The following DCC variants were observed in gnomAD, a reference collection of about 807,000 sequenced individuals.
The protein encoded by DCC is netrin receptor DCC.
DCC carries 58 observed loss-of-function variants against 172.5 expected under a neutral mutation model. That is an observed-to-expected ratio of 0.34 (90% CI 0.27 to 0.42). The LOEUF (loss-of-function observed/expected upper bound fraction) is 0.42. Among genes scored for constraint, DCC ranks in the 10% least tolerant of loss-of-function variants. The probability of loss-of-function intolerance (pLI) is 1.00; values close to 1 mark genes in which losing one functional copy is unlikely to be tolerated. For missense variants in DCC, 1,740 were observed against 1,791.0 expected (o/e 0.97, Z 0.51); for synonymous variants, 709 against 644.5 (o/e 1.10, Z -1.52).
At chr18:53,077,032 T>C (rs2042733105) in intron 7 of DCC, among the ~76,000 whole-genome samples, 1 of 152,162 alleles carries the variant, frequency 6.6e-6, no homozygotes, top group Admixed American at 6.5e-5. Flanking sequence ...ACATAATTGC[T>C]TAGTGACTCT....
rs1555675493 is a variant in DCC, at chr18:52,868,033, GTATA to G, written c.413-37993_413-37990del. Among the ~76,000 whole-genome samples the G allele has an allele frequency of 3.0e-3, 358 of 120,466 alleles. 1 individual carries two copies. The highest frequency in any genetic ancestry group is 9.6e-3 in the Middle Eastern group (2 of 208). 79.0% of individuals were successfully genotyped at this position (120,466 alleles called of 152,430 possible). ...TGAGATTGCTAATATGTGTATGTGT[GTATA>G]TATATATATATATATATGTGTGTGT... On this transcript the variant is annotated intron_variant, in intron 2 of 28. Coordinates refer to ENST00000442544, the MANE Select transcript of DCC (RefSeq NM_005215.4).
At chr18:52,542,605 GT>G (rs1371492067) in intron 1 of DCC, among the ~76,000 whole-genome samples, 1 of 152,168 alleles carries the variant, frequency 6.6e-6, no homozygotes, top group African/African-American at 2.4e-5. Flanking sequence ...GAAGGCCGAG[GT>G]GGGCAGATCA....
chr18:52,843,745 C>T (rs1306905960), intron 2 of DCC, among the ~76,000 whole-genome samples: 3 of 152,160 alleles, frequency 2.0e-5, no homozygotes, highest in Non-Finnish European at 4.4e-5. Flanking sequence ...ACATGCTGGT[C>T]ATAATTGTGT....
In DCC at chr18:53,339,731, A is replaced by G. The variant is rs2057633741; in HGVS notation, c.2183A>G (p.Gln728Arg). The G allele has an allele frequency of 4.3e-6, 7 of 1,613,928 alleles. No individual in the cohort carries two copies. The highest frequency in any genetic ancestry group is 1.3e-5 in the African/African-American group (1 of 75,006). Residue 728 changes from glutamine to arginine, a missense_variant, in exon 15 of 29, where the codon CAA becomes CGA. Coordinates refer to ENST00000442544, the MANE Select transcript of DCC (RefSeq NM_005215.4). Reference sequence around the variant, plus strand: ...ATGCTAGAATCTCAAGTTCCTGATCAACCAAGCTCTCTTCATGTGAGGCCC... The same window carrying G: ...ATGCTAGAATCTCAAGTTCCTGATCGACCAAGCTCTCTTCATGTGAGGCCC... ...NDLDESQVPD[Q>R]PSSLHVRPQT... is the part of the protein sequence containing the mutation.
intron 25 of DCC, among the ~76,000 whole-genome samples, chr18:53,477,583 T>A (rs1360536447): frequency 6.6e-6 from 1 of 152,214 alleles, no homozygotes; most frequent in African/African-American, 2.4e-5. Context: ...ATTATTCCTA[T>A]AAGATTGTTA....
chr18:52,804,469 G>A (rs1598819546), intron 2 of DCC, among the ~76,000 whole-genome samples: 2 of 152,038 alleles, frequency 1.3e-5, no homozygotes, highest in African/African-American at 4.8e-5. Context: ...AGCTCAGCTG[G>A]GTCAGAAGTA....
At chr18:52,655,838 T>C (rs1451541283) in intron 1 of DCC, among the ~76,000 whole-genome samples, 1 of 151,808 alleles carries the variant, frequency 6.6e-6, no homozygotes, top group Non-Finnish European at 1.5e-5. Context: ...TAATGTGCTT[T>C]TACTTGGTTA....
chr18:52,695,541 C>T (rs1031210162), intron 1 of DCC, among the ~76,000 whole-genome samples: 3 of 152,172 alleles, frequency 2.0e-5, no homozygotes, highest in Admixed American at 6.5e-5. Context: ...GTTTGCTGAA[C>T]ATGATTTATG....
intron 22 of DCC, among the ~76,000 whole-genome samples, chr18:53,436,243 T>C (rs952917899): frequency 1.3e-5 from 2 of 152,214 alleles, no homozygotes; most frequent in African/African-American, 4.8e-5. Context: ...CTTGCTTTCT[T>C]TTTTAACGTA....
intron 5 of DCC, among the ~76,000 whole-genome samples, chr18:52,974,028 A>G (rs2041072418): frequency 6.6e-6 from 1 of 152,168 alleles, no homozygotes; most frequent in Non-Finnish European, 1.5e-5. Context: ...ATAGATAAAA[A>G]TTGTTAGTGT....
intron 15 of DCC, among the ~76,000 whole-genome samples, chr18:53,347,426 C>A (rs1210981784): frequency 1.3e-5 from 2 of 152,234 alleles, no homozygotes; most frequent in Admixed American, 1.3e-4. Context: ...AAAGAGCTTA[C>A]ACCATCAGAG....
At chr18:53,297,027 G>C (rs1458491670) in intron 12 of DCC, among the ~76,000 whole-genome samples, 1 of 152,222 alleles carries the variant, frequency 6.6e-6, no homozygotes, top group Non-Finnish European at 1.5e-5. Context: ...TCTGGAGAGA[G>C]TAAGGCAGAA....
chr18:52,844,658 A>G (rs1022115720), intron 2 of DCC, among the ~76,000 whole-genome samples: 10 of 152,190 alleles, frequency 6.6e-5, no homozygotes, highest in African/African-American at 2.4e-4. Flanking sequence ...ACAAAAAAAG[A>G]AGTGACACAA....
At chr18:52,751,986 GAC>G (rs2037001656) in intron 1 of DCC, 66 bp from the exon 2 acceptor site, 2 of 1,338,482 alleles carry the variant, frequency 1.5e-6, no homozygotes, top group African/African-American at 1.4e-5. Context: ...GTAAAGAAAA[GAC>G]AGGGAATCTA....
At chr18:52,983,488 G>A (rs1321104371) in intron 5 of DCC, among the ~76,000 whole-genome samples, 1 of 152,078 alleles carries the variant, frequency 6.6e-6, no homozygotes, top group Non-Finnish European at 1.5e-5. Context: ...TTTATCTTTT[G>A]TAAAAGAAAT....
chr18:52,451,927 G>A (rs1031400042), intron 1 of DCC, among the ~76,000 whole-genome samples: 7 of 152,058 alleles, frequency 4.6e-5, no homozygotes, highest in Non-Finnish European at 1.0e-4. Context: ...TTCTCTCTAG[G>A]TGATTCTGAT....
At chr18:53,353,924 C>G (rs1162753591) in intron 15 of DCC, among the ~76,000 whole-genome samples, 2 of 152,180 alleles carry the variant, frequency 1.3e-5, no homozygotes, top group South Asian at 2.1e-4. Flanking sequence ...CCCCCGACCT[C>G]ACGACAGGCC....
chr18:52,829,058 G>A (rs1471316689), intron 2 of DCC, among the ~76,000 whole-genome samples: 3 of 152,178 alleles, frequency 2.0e-5, no homozygotes, highest in Non-Finnish European at 4.4e-5. Context: ...AGCCTGGCTA[G>A]CTGTTATGCT....
At position 52,733,686 on chromosome 18, in the gene DCC, T is replaced by C. The variant is rs369445887; in HGVS notation, c.92-18368T>C. Among the ~76,000 whole-genome samples, 24 of 152,160 alleles carry C rather than the reference T, an allele frequency of 1.6e-4. No homozygotes were observed. In the East Asian group the frequency reaches 4.5e-3, roughly 28 times the overall value. On this transcript the variant is annotated intron_variant, in intron 1 of 28. Coordinates refer to ENST00000442544, the MANE Select transcript of DCC (RefSeq NM_005215.4). ...TTTTTTAAATGTTTTTGTAAAGACATGTTCTCGCTATGTTACCTAGGGTGG... is the reference window on the plus strand; with the variant it reads ...TTTTTTAAATGTTTTTGTAAAGACACGTTCTCGCTATGTTACCTAGGGTGG...
Sources: gnomAD v4.1 joint callset for allele counts (sites outside exome capture counted in the v4.1 genomes callset) on GRCh38, gnomAD v4.1.1 for gene constraint, MANE v1.5 for transcripts, NCBI Gene and HGNC (gene_info 2026-07-23, HGNC 2026-07-21) for gene names.